The following AGPAT3 variants were observed in gnomAD, a reference collection of about 807,000 sequenced individuals.
The protein encoded by AGPAT3 is 1-acyl-sn-glycerol-3-phosphate acyltransferase gamma.
A neutral mutation model predicts 47.3 loss-of-function variants in AGPAT3; 5 were observed. The ratio of observed to expected loss-of-function variants is 0.11; its 90% CI spans 0.06 to 0.22. The LOEUF (loss-of-function observed/expected upper bound fraction) is 0.22, where lower values mean the gene tolerates loss of function less well. AGPAT3 is among the 10% of genes least tolerant of loss of function. AGPAT3 has a pLI of 1.00. For missense variants in AGPAT3, 315 were observed against 493.0 expected (o/e 0.64, Z 3.42); for synonymous variants, 212 against 208.3 (o/e 1.02, Z -0.15).
At chr21:43,915,772 A>T (rs956535271) in intron 2 of AGPAT3, among the ~76,000 whole-genome samples, 2 of 152,062 alleles carry the variant, frequency 1.3e-5, no homozygotes, top group African/African-American at 4.8e-5. Flanking sequence ...TTTAAAAAAA[A>T]TTTCAATTTA....
intron 7 of AGPAT3, among the ~76,000 whole-genome samples, chr21:43,975,231 A>G (rs1361091486): frequency 8.5e-6 from 1 of 118,294 alleles, no homozygotes; most frequent in Non-Finnish European, 1.8e-5. Context: ...GTGTGTGGTA[A>G]TGTTTTGGTG....
chr21:43,928,928 C>T (rs981464667), intron 2 of AGPAT3, among the ~76,000 whole-genome samples: 18 of 152,240 alleles, frequency 1.2e-4, no homozygotes, highest in African/African-American at 2.4e-5. Flanking sequence ...CCGGCAGGTT[C>T]CTCAGCTGTG....
intron 2 of AGPAT3, among the ~76,000 whole-genome samples, chr21:43,914,335 C>T (rs770876393): frequency 1.9e-4 from 29 of 152,234 alleles, no homozygotes; most frequent in Middle Eastern, 6.8e-3. Flanking sequence ...GGGATTGGGA[C>T]GTCTTCCTTC....
chr21:43,935,946 G>T (rs1363973532), intron 2 of AGPAT3, among the ~76,000 whole-genome samples: 4 of 152,214 alleles, frequency 2.6e-5, no homozygotes, highest in Non-Finnish European at 5.9e-5. Flanking sequence ...TTCCCTGATG[G>T]CGGCTCGAGT....
At chr21:43,909,796 T>C (rs1312114756) in intron 2 of AGPAT3, among the ~76,000 whole-genome samples, 1 of 152,172 alleles carries the variant, frequency 6.6e-6, no homozygotes, top group Non-Finnish European at 1.5e-5. Flanking sequence ...GACTTTGTTC[T>C]CTGCTGCAGG....
intron 1 of AGPAT3, among the ~76,000 whole-genome samples, chr21:43,876,738 C>G (rs1010982603): frequency 2.0e-5 from 3 of 152,154 alleles, no homozygotes; most frequent in Non-Finnish European, 2.9e-5. Flanking sequence ...TCTAAAACTA[C>G]CTGGTGGAGG....
intron 2 of AGPAT3, among the ~76,000 whole-genome samples, chr21:43,917,732 C>G (rs1272727529): frequency 6.6e-6 from 1 of 151,620 alleles, no homozygotes; most frequent in Non-Finnish European, 1.5e-5. Flanking sequence ...GCCTTATCTA[C>G]CGGGTGGTCG....
In AGPAT3 at chr21:43,981,729, T is replaced by C. The variant is rs371631058; in HGVS notation, c.1042+542T>C. 1.4e-4 allele frequency among the ~76,000 whole-genome samples: 21 copies of C among 152,012 alleles called. No homozygotes were observed. The East Asian group carries it at 3.5e-3, about 25-fold the overall frequency. On this transcript the variant is annotated intron_variant, in intron 9 of 9. Coordinates refer to ENST00000291572, the MANE Select transcript of AGPAT3 (RefSeq NM_020132.5). The surrounding 1 kb of genome is among the most constrained non-coding windows in gnomAD (Gnocchi z 5.3). ...ACACCCCGTAATTGAGGGGTCTCTGTCCGTGGAGACACAGTCCGTGTGCAT... is the reference window on the plus strand; with the variant it reads ...ACACCCCGTAATTGAGGGGTCTCTGCCCGTGGAGACACAGTCCGTGTGCAT...
rs949246921 is a variant in AGPAT3 at position 43,987,476 on chromosome 21, A to G, written c.*5084A>G. Among the ~76,000 whole-genome samples the G allele has an allele frequency of 6.6e-6, 1 of 152,246 alleles. No homozygotes were observed. Among genetic ancestry groups the G allele is most frequent in the Non-Finnish European group, 1.5e-5 (1 of 68,034 alleles). On this transcript the variant is annotated 3_prime_UTR_variant, in exon 10 of 10. Coordinates refer to ENST00000291572, the MANE Select transcript of AGPAT3 (RefSeq NM_020132.5). ...AGGACAAAAGGTTTTCCTAAGTGGC[A>G]TGTATACATCCAAAACTACTCTTTT...
At chr21:43,931,403 C>T (rs748934855) in intron 2 of AGPAT3, among the ~76,000 whole-genome samples, 5 of 152,150 alleles carry the variant, frequency 3.3e-5, no homozygotes, top group Non-Finnish European at 5.9e-5. Context: ...AGGAGGCCTC[C>T]AGGAAATTGA....
At chr21:43,911,505 G>A (rs1339358798) in intron 2 of AGPAT3, among the ~76,000 whole-genome samples, 2 of 152,252 alleles carry the variant, frequency 1.3e-5, no homozygotes, top group African/African-American at 2.4e-5. Flanking sequence ...GTCTCTGGGT[G>A]ACCCCGCCTG....
In AGPAT3 at chr21:43,918,291, C is replaced by G. The variant is rs1212283987; in HGVS notation, c.-49+14272C>G. On this transcript the variant is annotated intron_variant, in intron 2 of 9. Transcript: ENST00000291572. Reference sequence around the variant, plus strand: ...TGGAGAGAGTTAGTTCATAACAGCACTTTGGGTGTGGATCAATTGTTGTCT... The same window carrying G: ...TGGAGAGAGTTAGTTCATAACAGCAGTTTGGGTGTGGATCAATTGTTGTCT... Among the ~76,000 whole-genome samples, 3 of 143,586 alleles carry G rather than the reference C, an allele frequency of 2.1e-5. No individual in the cohort carries two copies. In the East Asian group the frequency reaches 6.0e-4, roughly 29 times the overall value. 94.2% of individuals were successfully genotyped at this position (143,586 alleles called of 152,430 possible). A position where few individuals can be genotyped will look rare whatever the true frequency, so the allele number is the denominator to read the frequency against.
intron 2 of AGPAT3, among the ~76,000 whole-genome samples, chr21:43,942,718 C>CGCGGTCACCCTAGGGTGCA (rs1569078343): frequency 1.3e-5 from 2 of 152,106 alleles, no homozygotes; most frequent in African/African-American, 4.8e-5. Flanking sequence ...CACGCCTGCC[C>CGCGGTCACCCTAGGGTGCA]GCGGTCACCC....
chr21:43,975,359 G>T (rs1236678551), intron 7 of AGPAT3, among the ~76,000 whole-genome samples: 2 of 146,796 alleles, frequency 1.4e-5, no homozygotes, highest in African/African-American at 2.7e-5. Context: ...GTGCTGGCAT[G>T]TGTGTGGCAT....
Position 43,957,170 on chromosome 21 carries a change from CGCCTGCAAAT to C in AGPAT3, c.-48-2463_-48-2454del, listed in dbSNP as rs2088510907. On this transcript the variant is annotated intron_variant, in intron 2 of 9. Coordinates refer to ENST00000291572, the MANE Select transcript of AGPAT3 (RefSeq NM_020132.5). ...GGCCCCCGAGTGCCATTCAAGGCAG[CGCCTGCAAAT>C]CCCTGAGAGGCAGAGGGTGGGGGCC... 3.3e-5 allele frequency among the ~76,000 whole-genome samples: 5 copies of C among 151,828 alleles called. No homozygotes were observed. In the South Asian group the frequency reaches 1.0e-3, roughly 32 times the overall value.
chr21:43,936,540 A>C (rs1171774713), intron 2 of AGPAT3, among the ~76,000 whole-genome samples: 1 of 152,268 alleles, frequency 6.6e-6, no homozygotes, highest in Non-Finnish European at 1.5e-5. Flanking sequence ...AGGAAGACAC[A>C]GTGAGAGAAT....
At chr21:43,958,886 G>GGT (rs927005375) in intron 2 of AGPAT3, among the ~76,000 whole-genome samples, 2 of 144,112 alleles carry the variant, frequency 1.4e-5, no homozygotes, top group Non-Finnish European at 3.1e-5. Flanking sequence ...TGGTGTGTAT[G>GGT]GTGTGTGTGT....
At chr21:43,956,408 C>G (rs2088469672) in intron 2 of AGPAT3, among the ~76,000 whole-genome samples, 1 of 152,178 alleles carries the variant, frequency 6.6e-6, no homozygotes, top group Non-Finnish European at 1.5e-5. Flanking sequence ...TCTGTTTGCT[C>G]ACCTGTCAAC....
Position 43,981,037 on chromosome 21 carries a change from C to T in AGPAT3, c.892C>T (p.Gln298Ter). 1 of 1,614,184 alleles carries T rather than the reference C, an allele frequency of 6.2e-7. No homozygotes were observed. The highest frequency in any genetic ancestry group is 8.5e-7 in the Non-Finnish European group (1 of 1,180,028). Residue 298 changes from glutamine (Q) to a stop codon, truncating the protein, a stop_gained, in exon 9 of 10, where the codon CAG becomes TAG. Coordinates refer to ENST00000291572, the MANE Select transcript of AGPAT3 (RefSeq NM_020132.5). LOFTEE classifies it high-confidence loss of function. The surrounding 1 kb of genome is among the most constrained non-coding windows in gnomAD (Gnocchi z 5.3). ...TCAGAAGGGCATGTTTCCAGGGGAGCAGTTTAAGCCTGCCCGGAGGCCGTG... is the reference window on the plus strand; with the variant it reads ...TCAGAAGGGCATGTTTCCAGGGGAGTAGTTTAAGCCTGCCCGGAGGCCGTG... ...YNQKGMFPGEQFKPARRPWTL... is the reference protein window; with the variant it reads ...YNQKGMFPGE
Sources: allele counts gnomAD v4.1 joint callset (sites outside exome capture counted in the v4.1 genomes callset), GRCh38; gene constraint gnomAD v4.1.1; non-coding constraint Gnocchi (gnomAD v3.1); transcripts MANE v1.5; gene names NCBI Gene and HGNC (gene_info 2026-07-23, HGNC 2026-07-21).